RYR2: variants seen among roughly 807,000 people sequenced by gnomAD.
The protein encoded by RYR2 is cardiac muscle ryanodine receptor-calcium release channel.
RYR2 carries 227 observed loss-of-function variants against 601.1 expected under a neutral mutation model. That is an observed-to-expected ratio of 0.38 (90% CI 0.34 to 0.42). RYR2 has a LOEUF of 0.42. Ranked by LOEUF, RYR2 falls within the 10% of genes least tolerant of loss-of-function variation. The pLI is 1.00. For missense variants in RYR2, 4,646 were observed against 6,156.5 expected (o/e 0.75, Z 8.21); for synonymous variants, 2,223 against 2,175.1 (o/e 1.02, Z -0.61).
At chr1:237,623,620 C>T (rs900579806) in intron 38 of RYR2, 145 bp from the exon 39 acceptor site, 3 of 564,908 alleles carry the variant, frequency 5.3e-6, no homozygotes, top group Admixed American at 6.2e-5. Context: ...TCTCAAAATC[C>T]TGACCTCGTG....
chr1:237,821,624 A>C (rs1223529077), intron 101 of RYR2, among the ~76,000 whole-genome samples: 1 of 152,122 alleles, frequency 6.6e-6, no homozygotes, highest in East Asian at 1.9e-4. Context: ...TCTCCTCCAA[A>C]GTATCACAAC....
intron 45 of RYR2, 108 bp from the exon 46 acceptor site, chr1:237,638,907 T>C (rs1681155108): frequency 7.8e-7 from 1 of 1,276,564 alleles, no homozygotes; most frequent in South Asian, 1.4e-5. Flanking sequence ...TAGTATATTG[T>C]TGGGTTTTAG....
At chr1:237,378,784 A>G (rs1701227736) in intron 8 of RYR2, among the ~76,000 whole-genome samples, 1 of 152,198 alleles carries the variant, frequency 6.6e-6, no homozygotes, top group African/African-American at 2.4e-5. Context: ...GATTTGAAAC[A>G]TTTCTAGGAA....
chr1:237,461,987 T>G (rs1659534828), intron 16 of RYR2, among the ~76,000 whole-genome samples: 1 of 152,184 alleles, frequency 6.6e-6, no homozygotes, highest in Non-Finnish European at 1.5e-5. Flanking sequence ...CCAATATTTT[T>G]TATTGAATTC....
At chr1:237,534,950 C>T (rs1307002074) in intron 25 of RYR2, among the ~76,000 whole-genome samples, 7 of 150,682 alleles carry the variant, frequency 4.6e-5, no homozygotes, top group Non-Finnish European at 7.4e-5. Flanking sequence ...TATTTATTAC[C>T]TCACATAATC....
chr1:237,447,508 G>A (rs1001721232), intron 14 of RYR2, among the ~76,000 whole-genome samples: 4 of 152,118 alleles, frequency 2.6e-5, no homozygotes, highest in Non-Finnish European at 5.9e-5. Flanking sequence ...CTATTTGAGT[G>A]AAATTCATTT....
At chr1:237,277,585 C>T (rs1190450353) in intron 2 of RYR2, among the ~76,000 whole-genome samples, 2 of 152,134 alleles carry the variant, frequency 1.3e-5, no homozygotes, top group African/African-American at 2.4e-5. Context: ...GGCAACATAG[C>T]GAGACCCTGT....
chr1:237,266,512 C>G (rs1199848816), intron 1 of RYR2, among the ~76,000 whole-genome samples: 1 of 152,142 alleles, frequency 6.6e-6, no homozygotes, highest in Non-Finnish European at 1.5e-5. Flanking sequence ...GCTGTCAGAC[C>G]ACAGTGATTC....
chr1:237,337,460 G>A (rs1697351956), intron 3 of RYR2, among the ~76,000 whole-genome samples: 1 of 152,146 alleles, frequency 6.6e-6, no homozygotes, highest in Non-Finnish European at 1.5e-5. Flanking sequence ...GAAGATCTGT[G>A]TATTATCTCA....
chr1:237,680,722 C>A, intron 62 of RYR2, 145 bp downstream of exon 62: 1 of 569,166 alleles, frequency 1.8e-6, no homozygotes, highest in South Asian at 2.9e-5. Flanking sequence ...AAATACTAGA[C>A]AAAAACAGTT....
At position 237,380,411 on chromosome 1, in the gene RYR2, TATATATATATA is replaced by T. The variant is rs1701402446; in HGVS notation, c.576+2977_576+2987del. The stretch of plus-strand genomic sequence containing the variant: ...ATATATATATATATATATATATATA[TATATATATATA>T]GTAAATACGAAGTCTGGTGAGTATG... On this transcript the variant is annotated intron_variant, in intron 8 of 104. Transcript: ENST00000366574. Among the ~76,000 whole-genome samples the T allele has an allele frequency of 2.9e-4, 12 of 41,384 alleles. 1 individual carries two copies. Among genetic ancestry groups the T allele is most frequent in the African/African-American group, 1.1e-3 (12 of 10,932 alleles). The allele number at this position is 41,384 out of a possible 152,430, so 27.1% of individuals were successfully genotyped here. A position where few individuals can be genotyped will look rare whatever the true frequency, so the allele number is the denominator to read the frequency against.
chr1:237,770,757 C>CGGCAGGCTGGGGT, intron 84 of RYR2, 50 bp from the exon 85 acceptor site: 1 of 1,184,214 alleles, frequency 8.4e-7, no homozygotes, highest in Non-Finnish European at 1.2e-6. Flanking sequence ...AGAAAGGGAG[C>CGGCAGGCTGGGGT]GGCAGGCTGG....
chr1:237,804,920 G>A (rs1464782522), intron 98 of RYR2, among the ~76,000 whole-genome samples: 1 of 152,170 alleles, frequency 6.6e-6, no homozygotes, highest in Non-Finnish European at 1.5e-5. Context: ...TCTCTACTGG[G>A]GAACAGTTTT....
intron 31 of RYR2, 94 bp downstream of exon 31, chr1:237,591,086 C>A (rs566363031): frequency 2.4e-4 from 194 of 795,008 alleles, no homozygotes; most frequent in Middle Eastern, 2.3e-3. Context: ...ATTTTTTCCT[C>A]CTTCTCCTCC....
chr1:237,789,872 G>C (rs1375159198), intron 92 of RYR2, among the ~76,000 whole-genome samples: 1 of 152,200 alleles, frequency 6.6e-6, no homozygotes, highest in Non-Finnish European at 1.5e-5. Flanking sequence ...AGCTAACTCA[G>C]CCTCTGTGAC....
At chr1:237,789,516 GGT>G (rs1658093703) in intron 92 of RYR2, among the ~76,000 whole-genome samples, 1 of 122,628 alleles carries the variant, frequency 8.2e-6, no homozygotes, top group African/African-American at 4.1e-5. Flanking sequence ...CATGGCTGCA[GGT>G]ATAGTTCTAT....
chr1:237,783,118 C>A (rs2149350032), intron 89 of RYR2, among the ~76,000 whole-genome samples: 1 of 152,302 alleles, frequency 6.6e-6, no homozygotes, highest in South Asian at 2.1e-4. Flanking sequence ...CATTATGAAT[C>A]AGAAAAAGCG....
intron 95 of RYR2, among the ~76,000 whole-genome samples, chr1:237,794,598 T>C (rs966457632): frequency 6.6e-6 from 1 of 152,234 alleles, no homozygotes; most frequent in Admixed American, 6.5e-5. Flanking sequence ...AATTTTTCAC[T>C]GTAAAAAGAA....
At chr1:237,403,497 C>T (rs533068688) in intron 10 of RYR2, among the ~76,000 whole-genome samples, 6 of 152,304 alleles carry the variant, frequency 3.9e-5, no homozygotes, top group African/African-American at 1.2e-4. Flanking sequence ...TGGTTCACTG[C>T]AGCCTCAACC....
Sources: gnomAD v4.1 joint callset for allele counts (sites outside exome capture counted in the v4.1 genomes callset) on GRCh38, gnomAD v4.1.1 for gene constraint, MANE v1.5 for transcripts, NCBI Gene and HGNC (gene_info 2026-07-23, HGNC 2026-07-21) for gene names.